The following RGS20 variants were observed in gnomAD, a reference collection of about 807,000 sequenced individuals.
The protein encoded by RGS20 is gz-selective GTPase-activating protein.
In RGS20, 30 loss-of-function variants were observed where a neutral mutation model predicts 33.6. The ratio of observed to expected loss-of-function variants is 0.89; its 90% CI spans 0.67 to 1.21. The LOEUF is 1.21. Ranked by LOEUF, RGS20 falls within the 50% of genes most tolerant of loss-of-function variation. The pLI is 0.00. For synonymous variants in RGS20, 208 were observed against 197.9 expected, an observed-to-expected ratio of 1.05 and a Z score of -0.43; for missense variants, 472 against 502.4, an observed-to-expected ratio of 0.94 and a Z score of 0.58.
At chr8:53,921,412 C>T (rs1044649849) in intron 2 of RGS20, among the ~76,000 whole-genome samples, 1 of 151,020 alleles carries the variant, frequency 6.6e-6, no homozygotes, top group Non-Finnish European at 1.5e-5. Flanking sequence ...ACCGGTGAAA[C>T]CAACTTGATC....
rs768062357 is a variant in RGS20 at position 53,958,448 on chromosome 8, T to C, written c.1157T>C (p.Ile386Thr). The C allele has an allele frequency of 1.4e-5, 21 of 1,498,428 alleles. No individual in the cohort carries two copies. Among genetic ancestry groups the C allele is most frequent in the South Asian group, 3.0e-5 (2 of 67,594 alleles). 92.8% of individuals were successfully genotyped at this position (1,498,428 alleles called of 1,614,324 possible). Residue 386 changes from isoleucine (I) to threonine (T), a missense_variant, in exon 6 of 6, where the codon ATT (isoleucine) becomes ACT (threonine). By Grantham distance (89) the Ile-to-Thr change is moderately conservative. Coordinates refer to ENST00000297313, the MANE Select transcript of RGS20 (RefSeq NM_170587.4). Reference sequence around the variant, plus strand: ...CTTCAGTCCTTATCGGAGAAATCTATTGAAGCATAGGATTTTTCAAATATA... The same window carrying C: ...CTTCAGTCCTTATCGGAGAAATCTACTGAAGCATAGGATTTTTCAAATATA...
intron 2 of RGS20, among the ~76,000 whole-genome samples, chr8:53,894,270 A>G (rs1169114716): frequency 6.6e-6 from 1 of 152,190 alleles, no homozygotes; most frequent in African/African-American, 2.4e-5. Flanking sequence ...AATTTCTTCA[A>G]TTTTAGATCT....
At position 53,866,018 on chromosome 8, in the gene RGS20, C is replaced by T. The variant is rs561378480; in HGVS notation, c.166-13240C>T. 7.2e-5 allele frequency among the ~76,000 whole-genome samples: 11 copies of T among 152,226 alleles called. No homozygotes were observed. The South Asian group carries it at 2.3e-3, about 32-fold the overall frequency. On this transcript the variant is annotated intron_variant, in intron 1 of 5. Coordinates refer to ENST00000297313, the MANE Select transcript of RGS20 (RefSeq NM_170587.4). The stretch of plus-strand genomic sequence containing the variant: ...TCACAATACAGAGCATGCAGGCAAC[C>T]CCAACGTGAGAGAGCTTCCTGAGGG...
chr8:53,955,826 C>T (rs1447906957), intron 5 of RGS20, among the ~76,000 whole-genome samples: 1 of 152,038 alleles, frequency 6.6e-6, no homozygotes, highest in Non-Finnish European at 1.5e-5. Flanking sequence ...AGCAAAACTC[C>T]ATTTCAAAAA....
chr8:53,883,850 GCAGGAGAATTGCTTGAACT>G (rs1396864003), intron 2 of RGS20, among the ~76,000 whole-genome samples: 1 of 151,940 alleles, frequency 6.6e-6, no homozygotes, highest in East Asian at 1.9e-4. Context: ...GGGGGCTGAG[GCAGGAGAATTGCTTGAACT>G]CAGGAGGCAG....
At chr8:53,874,367 GGTGTGT>G (rs138636662) in intron 1 of RGS20, among the ~76,000 whole-genome samples, 2,279 of 146,542 alleles carry the variant, frequency 0.016, 36 homozygotes, top group African/African-American at 0.045. Context: ...AGCAATAAGG[GGTGTGT>G]GTGTGTGTGT....
intron 2 of RGS20, among the ~76,000 whole-genome samples, chr8:53,896,929 A>G (rs1375902222): frequency 6.6e-6 from 1 of 152,252 alleles, no homozygotes; most frequent in African/African-American, 2.4e-5. Flanking sequence ...TCATACCATT[A>G]TCATAGAAGA....
chr8:53,909,088 A>G lies in RGS20; in HGVS notation c.510+29486A>G, dbSNP rs190385648. On this transcript the variant is annotated intron_variant, in intron 2 of 5. Coordinates refer to ENST00000297313, the MANE Select transcript of RGS20 (RefSeq NM_170587.4). Reference sequence around the variant, plus strand: ...TCCTCCCAGCAACCCCATGAGCCAGATACTATTATTTTCCTGATTTGACAC... The same window carrying G: ...TCCTCCCAGCAACCCCATGAGCCAGGTACTATTATTTTCCTGATTTGACAC... 3.3e-5 allele frequency among the ~76,000 whole-genome samples: 5 copies of G among 150,414 alleles called. No homozygotes were observed. The Admixed American group carries it at 3.3e-4, about 10-fold the overall frequency.
At chr8:53,915,254 G>A (rs1164778402) in intron 2 of RGS20, among the ~76,000 whole-genome samples, 1 of 152,158 alleles carries the variant, frequency 6.6e-6, no homozygotes, top group African/African-American at 2.4e-5. Context: ...ACCAACAGTG[G>A]CAGGGGAGAG....
chr8:53,887,489 G>A (rs61231337), intron 2 of RGS20, among the ~76,000 whole-genome samples: 12,574 of 152,206 alleles, frequency 0.083, 965 homozygotes, highest in East Asian at 0.3. Flanking sequence ...TTTTGGTGGA[G>A]GCTCCACCTG....
At chr8:53,925,403 G>C (rs1168535387) in intron 2 of RGS20, among the ~76,000 whole-genome samples, 1 of 152,138 alleles carries the variant, frequency 6.6e-6, no homozygotes, top group African/African-American at 2.4e-5. Flanking sequence ...ATATGAACCA[G>C]AGTTTGGGTA....
At chr8:53,928,883 T>C (rs1374876525) in intron 2 of RGS20, among the ~76,000 whole-genome samples, 1 of 152,138 alleles carries the variant, frequency 6.6e-6, no homozygotes, top group Non-Finnish European at 1.5e-5. Flanking sequence ...TCTAAACTTT[T>C]CAGCAACCAT....
chr8:53,911,783 A>AG (rs1343816118), intron 2 of RGS20, among the ~76,000 whole-genome samples: 2 of 152,124 alleles, frequency 1.3e-5, no homozygotes, highest in African/African-American at 4.8e-5. Flanking sequence ...TACTAAAAAT[A>AG]CAAAAAAATT....
chr8:53,855,479 G>T (rs1302587723), intron 1 of RGS20, among the ~76,000 whole-genome samples: 2 of 152,206 alleles, frequency 1.3e-5, no homozygotes, highest in Non-Finnish European at 2.9e-5. Flanking sequence ...ATACTTTAAA[G>T]GGAGCCTGGT....
chr8:53,871,762 CA>C (rs1229822356), intron 1 of RGS20, among the ~76,000 whole-genome samples: 1 of 152,128 alleles, frequency 6.6e-6, no homozygotes, highest in Non-Finnish European at 1.5e-5. Context: ...TAAATGTTGT[CA>C]AGGGATACCC....
At chr8:53,915,617 G>A (rs1226889251) in intron 2 of RGS20, among the ~76,000 whole-genome samples, 1 of 152,152 alleles carries the variant, frequency 6.6e-6, no homozygotes, top group African/African-American at 2.4e-5. Context: ...CCTAGACCTG[G>A]CTGTTCCAAC....
intron 2 of RGS20, among the ~76,000 whole-genome samples, chr8:53,932,282 G>A (rs1012908345): frequency 3.9e-5 from 6 of 152,062 alleles, no homozygotes; most frequent in South Asian, 4.2e-4. Flanking sequence ...AGACAGAACC[G>A]TTCACACCCC....
At chr8:53,897,702 G>A (rs901419205) in intron 2 of RGS20, among the ~76,000 whole-genome samples, 6 of 152,034 alleles carry the variant, frequency 3.9e-5, no homozygotes, top group African/African-American at 7.3e-5. Context: ...CTGCCCCGTC[G>A]ATTGTCCCAC....
At chr8:53,880,285 G>A (rs1812323910) in intron 2 of RGS20, 1 of 152,624 alleles carries the variant, frequency 6.6e-6, no homozygotes, top group Non-Finnish European at 1.5e-5. Context: ...CTGGAGTCAG[G>A]GGTTAGTTCC....
Sources: gnomAD v4.1 joint callset for allele counts (sites outside exome capture counted in the v4.1 genomes callset) on GRCh38, gnomAD v4.1.1 for gene constraint, MANE v1.5 for transcripts, NCBI Gene and HGNC (gene_info 2026-07-23, HGNC 2026-07-21) for gene names.